The following CCDC112 variants were observed in gnomAD, a reference collection of about 807,000 sequenced individuals.
CCDC112 encodes coiled-coil domain containing 112.
CCDC112 carries 40 observed loss-of-function variants against 66.3 expected under a neutral mutation model. The ratio of observed to expected loss-of-function variants is 0.60; its 90% CI spans 0.47 to 0.79. CCDC112 has a LOEUF of 0.79. Ranked by LOEUF, CCDC112 falls within the 30% of genes least tolerant of loss-of-function variation. CCDC112 has a pLI of 0.00. For synonymous variants in CCDC112, 214 were observed against 197.2 expected, an observed-to-expected ratio of 1.09 and a Z score of -0.71; for missense variants, 659 against 603.8, an observed-to-expected ratio of 1.09 and a Z score of -0.96.
intron 3 of CCDC112, among the ~76,000 whole-genome samples, chr5:115,278,407 A>G (rs181120316): frequency 1.2e-3 from 186 of 152,218 alleles, no homozygotes; most frequent in Non-Finnish European, 1.3e-3. Context: ...TAAGGCAAGC[A>G]TTCTTTACTC....
chr5:115,296,475 C>G lies in CCDC112; in HGVS notation c.69G>C (p.Ala23=). The G allele has an allele frequency of 1.3e-6, 2 of 1,566,520 alleles. No individual in the cohort carries two copies. Among genetic ancestry groups the G allele is most frequent in the African/African-American group, 1.4e-5 (1 of 71,056 alleles). The change falls in exon 1 of 10, where the codon GCG becomes GCC. Residue 23 remains alanine, a synonymous_variant. Coordinates refer to ENST00000379611, the MANE Select transcript of CCDC112 (RefSeq NM_001040440.3). ...CCACGCCGGTCCCGGTGGCCGCGCC[C>G]GCCCCTGCCACAGCCCCGGCTACCG... ...ATAVAGAVAG[A]GAATGTGVGA... is the part of the protein sequence containing the mutation.
intron 1 of CCDC112, among the ~76,000 whole-genome samples, chr5:115,287,464 G>C (rs1749722708): frequency 6.6e-6 from 1 of 152,084 alleles, no homozygotes; most frequent in African/African-American, 2.4e-5. Flanking sequence ...GGCCCCAAAA[G>C]ACCAGACAAA....
At chr5:115,296,272 C>G in intron 1 of CCDC112, 155 bp downstream of exon 1, 1 of 1,308,146 alleles carries the variant, frequency 7.6e-7, no homozygotes, top group Non-Finnish European at 9.7e-7. Context: ...GTTAAACGCA[C>G]AAGCCAACAA....
intron 5 of CCDC112, 50 bp from the exon 6 acceptor site, chr5:115,275,656 C>G (rs753986537): frequency 1.5e-6 from 2 of 1,312,092 alleles, no homozygotes; most frequent in South Asian, 1.5e-5. Flanking sequence ...CATATTAACC[C>G]TTAATTTTCC....
Position 115,276,098 on chromosome 5 carries a change from G to C in CCDC112, c.452-29C>G, listed in dbSNP as rs1749197020. On this transcript the variant is annotated intron_variant, in intron 4 of 9. Transcript: ENST00000379611. ...TAAAAGAAACACGGAAAATTATTTT[G>C]TGCCATTTTCCCATATGGCTAAAAG... 4 of 1,524,958 alleles carry C rather than the reference G, an allele frequency of 2.6e-6. No homozygotes were observed. The Admixed American group carries it at 5.8e-5, about 22-fold the overall frequency. The allele number at this position is 1,524,958 out of a possible 1,614,324, so 94.5% of individuals were successfully genotyped here.
Position 115,276,772 on chromosome 5 carries a change from G to A in CCDC112, c.451+193C>T, listed in dbSNP as rs559244722. Among the ~76,000 whole-genome samples the A allele has an allele frequency of 3.3e-5, 5 of 152,048 alleles. No homozygotes were observed. In the East Asian group the frequency reaches 5.8e-4, roughly 18 times the overall value. On this transcript the variant is annotated intron_variant, in intron 4 of 9. Transcript: ENST00000379611. ...CAGAAATGCCCGATTATAGTTCTCC[G>A]GTGTAAACTTACTAAATCCTAACTG...
In CCDC112 at chr5:115,296,526, C is replaced by G. The variant is rs1487215801; in HGVS notation, c.18G>C (p.Thr6=). ...CGGTGGCCGCAGCCGCTACCACAAC[C>G]GTCGTCAGTGCGGCCATGTTTACCC... The part of the protein sequence containing the change: MAALT[T]VVVAAAATAV... Residue 6 remains threonine, a synonymous_variant, in exon 1 of 10, where the codon ACG becomes ACC. Transcript: ENST00000379611. The G allele has an allele frequency of 1.2e-5, 19 of 1,535,994 alleles. No homozygotes were observed. Among genetic ancestry groups the G allele is most frequent in the Non-Finnish European group, 1.6e-5 (18 of 1,146,036 alleles).
intron 8 of CCDC112, 71 bp from the exon 9 acceptor site, chr5:115,269,071 C>T: frequency 4.9e-6 from 4 of 813,728 alleles, no homozygotes; most frequent in Non-Finnish European, 7.7e-6. Context: ...AAGTAAAAGC[C>T]TTAGTGCAGT....
chr5:115,273,559 T>G (rs769549882), intron 6 of CCDC112, among the ~76,000 whole-genome samples: 2 of 152,166 alleles, frequency 1.3e-5, no homozygotes, highest in Non-Finnish European at 2.9e-5. Context: ...ACTGATGATA[T>G]ATCAGTCATC....
chr5:115,272,439 T>C (rs1027442469), intron 6 of CCDC112, among the ~76,000 whole-genome samples: 1 of 152,206 alleles, frequency 6.6e-6, no homozygotes, highest in African/African-American at 2.4e-5. Flanking sequence ...AGGTGTGGCA[T>C]TGGATGAGCC....
intron 1 of CCDC112, among the ~76,000 whole-genome samples, chr5:115,285,656 G>C (rs966589392): frequency 6.6e-6 from 1 of 152,130 alleles, no homozygotes. Flanking sequence ...AGATATTTTA[G>C]GTCACTTAGG....
chr5:115,283,685 C>T (rs1213489378), intron 2 of CCDC112, among the ~76,000 whole-genome samples: 1 of 152,004 alleles, frequency 6.6e-6, no homozygotes, highest in East Asian at 1.9e-4. Flanking sequence ...CCAAAAGCTA[C>T]GATATGGTAT....
In CCDC112 at chr5:115,275,332, T is replaced by C. The variant is rs1749159626; in HGVS notation, c.802A>G (p.Lys268Glu). The C allele has an allele frequency of 6.2e-7, 1 of 1,614,106 alleles. No homozygotes were observed. ...FVKVRNKHKG[K>E]PTFMEEVLEH... ...AGAACTTCTTCCATAAATGTTGGCT[T>C]CCCTTTATGTTTGTTTCTCACCTTT... The change falls in exon 6 of 10, where the codon AAG becomes GAG. Residue 268 changes from lysine (K) to glutamate (E), a missense_variant. Coordinates refer to ENST00000379611, the MANE Select transcript of CCDC112 (RefSeq NM_001040440.3).
intron 1 of CCDC112, among the ~76,000 whole-genome samples, chr5:115,285,844 G>A (rs1405859793): frequency 1.3e-5 from 2 of 151,978 alleles, no homozygotes; most frequent in African/African-American, 4.8e-5. Flanking sequence ...ATAGAGACAA[G>A]GAATGACAGT....
At chr5:115,283,781 T>G (rs944699312) in intron 2 of CCDC112, among the ~76,000 whole-genome samples, 3 of 152,104 alleles carry the variant, frequency 2.0e-5, no homozygotes, top group Admixed American at 6.6e-5. Flanking sequence ...CAGAGACCAT[T>G]CCTTATAATA....
chr5:115,274,724 G>A (rs1156463903), intron 6 of CCDC112, among the ~76,000 whole-genome samples: 1 of 151,870 alleles, frequency 6.6e-6, no homozygotes, highest in African/African-American at 2.4e-5. Context: ...CTATTAATTG[G>A]GTAAAATTAC....
intron 1 of CCDC112, among the ~76,000 whole-genome samples, chr5:115,293,820 T>C (rs1047345841): frequency 2.0e-5 from 3 of 152,144 alleles, no homozygotes; most frequent in East Asian, 1.9e-4. Flanking sequence ...CCAAGGAACA[T>C]AAAATTCAGG....
At chr5:115,283,631 G>T (rs1285794860) in intron 2 of CCDC112, among the ~76,000 whole-genome samples, 2 of 152,028 alleles carry the variant, frequency 1.3e-5, no homozygotes, top group African/African-American at 2.4e-5. Flanking sequence ...TAAAAGTGGG[G>T]GAAAAGACAA....
intron 5 of CCDC112, among the ~76,000 whole-genome samples, 193 bp from the exon 6 acceptor site, chr5:115,275,799 G>C (rs1749183126): frequency 6.6e-6 from 1 of 151,994 alleles, no homozygotes; most frequent in Admixed American, 6.5e-5. Flanking sequence ...GGATTTTATA[G>C]TAACTAAATA....
Sources: allele counts gnomAD v4.1 joint callset (sites outside exome capture counted in the v4.1 genomes callset), GRCh38; gene constraint gnomAD v4.1.1; transcripts MANE v1.5; gene names NCBI Gene and HGNC (gene_info 2026-07-23, HGNC 2026-07-21).